CTNND2: variants seen among roughly 807,000 people sequenced by gnomAD.
CTNND2 encodes the protein catenin delta 2, also known as catenin delta-2.
CTNND2 carries 22 observed loss-of-function variants against 144.4 expected under a neutral mutation model. The ratio of observed to expected loss-of-function variants is 0.15; its 90% CI spans 0.11 to 0.22. The LOEUF is 0.22. Among genes scored for constraint, CTNND2 ranks in the 10% least tolerant of loss-of-function variants. The pLI is 1.00. For synonymous variants in CTNND2, 751 were observed against 695.6 expected, an observed-to-expected ratio of 1.08 and a Z score of -1.25; for missense variants, 1,353 against 1,618.8, an observed-to-expected ratio of 0.84 and a Z score of 2.82.
At chr5:11,402,557 T>C (rs1351002187) in intron 5 of CTNND2, among the ~76,000 whole-genome samples, 1 of 152,234 alleles carries the variant, frequency 6.6e-6, no homozygotes, top group Non-Finnish European at 1.5e-5. Flanking sequence ...ATTTACAAAT[T>C]AACTTAGAGT....
chr5:11,613,977 A>G (rs1270605717), intron 2 of CTNND2, among the ~76,000 whole-genome samples: 1 of 152,200 alleles, frequency 6.6e-6, no homozygotes, highest in Admixed American at 6.6e-5. Context: ...ACAGAACTGT[A>G]TTTAAAATAT....
intron 3 of CTNND2, among the ~76,000 whole-genome samples, chr5:11,471,612 CTCTCTA>C (rs1767244718): frequency 6.6e-6 from 1 of 152,128 alleles, no homozygotes; most frequent in Non-Finnish European, 1.5e-5. Flanking sequence ...TTAGTGTGTC[CTCTCTA>C]TCTGACAGGC....
intron 2 of CTNND2, among the ~76,000 whole-genome samples, chr5:11,595,364 G>A (rs984432165): frequency 6.6e-6 from 1 of 152,204 alleles, no homozygotes; most frequent in Admixed American, 6.5e-5. Context: ...TTGGTACTAA[G>A]AGACTAGATG....
chr5:11,212,032 T>A (rs1470196830), intron 10 of CTNND2, among the ~76,000 whole-genome samples: 5 of 152,224 alleles, frequency 3.3e-5, no homozygotes, highest in African/African-American at 1.2e-4. Context: ...ATGTATTACA[T>A]GATGGAAAGT....
chr5:11,067,058 G>A (rs535892132), intron 16 of CTNND2, among the ~76,000 whole-genome samples: 8 of 152,270 alleles, frequency 5.3e-5, no homozygotes, highest in African/African-American at 1.9e-4. Context: ...GAAGGGACAG[G>A]GCCTGGGGAA....
intron 9 of CTNND2, among the ~76,000 whole-genome samples, chr5:11,260,326 G>A (rs1744727961): frequency 6.6e-6 from 1 of 152,118 alleles, no homozygotes; most frequent in African/African-American, 2.4e-5. Flanking sequence ...CCACTGTAAT[G>A]TATAAAATAA....
At chr5:11,656,603 T>G (rs369416529) in intron 2 of CTNND2, among the ~76,000 whole-genome samples, 5 of 152,166 alleles carry the variant, frequency 3.3e-5, no homozygotes, top group African/African-American at 1.2e-4. Flanking sequence ...AAAAGATAAC[T>G]CATGCTCCTA....
intron 3 of CTNND2, among the ~76,000 whole-genome samples, chr5:11,497,530 A>T (rs533542682): frequency 2.4e-4 from 26 of 110,452 alleles, no homozygotes; most frequent in African/African-American, 8.9e-4. Context: ...GGGGGGGGGC[A>T]ATATGTGCAA....
chr5:11,879,341 G>GTGTGTATATATATATATATATATATA, intron 1 of CTNND2, among the ~76,000 whole-genome samples: 4 of 109,334 alleles, frequency 3.7e-5, no homozygotes, highest in Non-Finnish European at 8.2e-5. Context: ...TTAAATGTGT[G>GTGTGTATATATATATATATATATATA]TATATATATA....
intron 15 of CTNND2, among the ~76,000 whole-genome samples, chr5:11,091,702 T>C (rs2149653879): frequency 6.6e-6 from 1 of 152,312 alleles, no homozygotes; most frequent in Non-Finnish European, 1.5e-5. Context: ...TATTCCTCTG[T>C]ACTGAGGCAA....
At chr5:11,043,378 A>T (rs1744887115) in intron 16 of CTNND2, among the ~76,000 whole-genome samples, 1 of 152,208 alleles carries the variant, frequency 6.6e-6, no homozygotes, top group Admixed American at 6.5e-5. Flanking sequence ...CCAGGATTCC[A>T]GCATTCATAT....
intron 9 of CTNND2, among the ~76,000 whole-genome samples, chr5:11,284,663 T>C (rs556834573): frequency 2.6e-5 from 4 of 152,364 alleles, no homozygotes; most frequent in African/African-American, 4.8e-5. Flanking sequence ...CAGTTTATCA[T>C]TGATGGGCAT....
intron 17 of CTNND2, among the ~76,000 whole-genome samples, chr5:11,021,447 T>G (rs1489987399): frequency 6.6e-6 from 1 of 152,134 alleles, no homozygotes; most frequent in East Asian, 1.9e-4. Flanking sequence ...ATTCCAAAGG[T>G]CTATTGAAGC....
intron 19 of CTNND2, 33 bp downstream of exon 19, chr5:10,992,518 A>C (rs779726828): frequency 1.9e-6 from 3 of 1,612,944 alleles, no homozygotes; most frequent in African/African-American, 2.7e-5. Flanking sequence ...ACGAGAAATA[A>C]AGCCTGGCTG....
At chr5:11,306,094 C>T (rs546109816) in intron 9 of CTNND2, among the ~76,000 whole-genome samples, 10 of 152,260 alleles carry the variant, frequency 6.6e-5, no homozygotes, top group African/African-American at 1.9e-4. Flanking sequence ...GGGAGTAGCA[C>T]TCTGATTTCC....
intron 3 of CTNND2, among the ~76,000 whole-genome samples, chr5:11,488,709 C>A (rs982296296): frequency 6.6e-6 from 1 of 152,152 alleles, no homozygotes; most frequent in Non-Finnish European, 1.5e-5. Flanking sequence ...CCTTTAGATA[C>A]TCCCTGACAA....
chr5:11,701,093 C>G (rs191406295), intron 2 of CTNND2, among the ~76,000 whole-genome samples: 1 of 152,102 alleles, frequency 6.6e-6, no homozygotes, highest in East Asian at 1.9e-4. Flanking sequence ...TCTTTTATGA[C>G]GTCTAAAGAA....
intron 5 of CTNND2, among the ~76,000 whole-genome samples, chr5:11,404,778 C>T (rs769491750): frequency 2.0e-5 from 3 of 151,620 alleles, no homozygotes; most frequent in East Asian, 1.9e-4. Context: ...CCACCATGCC[C>T]GGCTAATTTT....
intron 20 of CTNND2, among the ~76,000 whole-genome samples, chr5:10,987,203 C>T (rs1441687714): frequency 6.6e-6 from 1 of 152,214 alleles, no homozygotes; most frequent in Admixed American, 6.5e-5. Context: ...GAGCCCACAT[C>T]CTGCTTCTTG....
Sources: allele counts gnomAD v4.1 joint callset (sites outside exome capture counted in the v4.1 genomes callset), GRCh38; gene constraint gnomAD v4.1.1; transcripts MANE v1.5; gene names NCBI Gene and HGNC (gene_info 2026-07-23, HGNC 2026-07-21).